EDA: variants seen among roughly 807,000 people sequenced by gnomAD.
EDA encodes ectodysplasin A.
EDA carries 2 observed loss-of-function variants against 23.6 expected under a neutral mutation model. The observed-to-expected ratio is 0.08, with a 90% CI of 0.03 to 0.27. The LOEUF is 0.27. EDA is among the 10% of genes least tolerant of loss of function. EDA has a pLI of 1.00. For missense variants in EDA, 229 were observed against 324.2 expected (o/e 0.71, Z 2.26); for synonymous variants, 131 against 132.0 (o/e 0.99, Z 0.05).
At chrX:69,632,775 C>T (rs1932650105) in intron 1 of EDA, among the ~76,000 whole-genome samples, 1 of 112,134 alleles carries the variant, frequency 8.9e-6, no homozygotes, top group Admixed American at 9.5e-5. Flanking sequence ...CTCCTGTCTC[C>T]ATAGAGGAAA....
At position 69,616,453 on chromosome X, in the gene EDA, C is replaced by T. The variant is rs765163779; in HGVS notation, c.145C>T (p.Leu49Phe). 1.7e-6 allele frequency: 2 copies of T among 1,212,076 alleles called. No individual in the cohort carries two copies. The highest frequency in any genetic ancestry group is 3.0e-5 in the East Asian group (1 of 33,794). ...CCTGCTCTTCCTGGGTTTCTTTGGC[C>T]TCTCGCTGGCCCTCCACCTGCTGAC... Reference protein sequence around the residue: ...SCLLFLGFFGLSLALHLLTLC... With the variant: ...SCLLFLGFFGFSLALHLLTLC... Residue 49 changes from leucine (L) to phenylalanine (F), a missense_variant, in exon 1 of 8, where the codon CTC becomes TTC. Around this residue, in one of 2 missense-constraint regions of EDA, gnomAD observed 54 missense variants for 42.4 expected, o/e 1.27. Transcript: ENST00000374552.
At chrX:69,754,662 A>C (rs193182929) in intron 1 of EDA, among the ~76,000 whole-genome samples, 1 of 111,854 alleles carries the variant, frequency 8.9e-6, no homozygotes, top group Non-Finnish European at 1.9e-5. Flanking sequence ...AGTGTTTTCC[A>C]AGTTGGTTCC....
chrX:69,789,071 A>G (rs1342214083), intron 1 of EDA, among the ~76,000 whole-genome samples: 1 of 111,079 alleles, frequency 9.0e-6, no homozygotes, highest in East Asian at 2.9e-4. Flanking sequence ...GCCATCTGTC[A>G]CCCCTTTCTT....
rs1293807934 is a variant in EDA at position 69,750,172 on chromosome X, CT to C, written c.396+133469del. On this transcript the variant is annotated intron_variant, in intron 1 of 7. Coordinates refer to ENST00000374552, the MANE Select transcript of EDA (RefSeq NM_001399.5). ...CCTAATGCTATCCCTCCCCCTCCCC[CT>C]CCCCCCACCCCATGACAGGCCCCGG... Among the ~76,000 whole-genome samples, 126 of 63,548 alleles carry C rather than the reference CT, an allele frequency of 2.0e-3. 1 individual carries two copies. Among genetic ancestry groups the C allele is most frequent in the South Asian group, 6.4e-3 (4 of 622 alleles). 55.2% of individuals were successfully genotyped at this position (63,548 alleles called of 115,157 possible).
chrX:69,810,721 A>C (rs993271910), intron 1 of EDA, among the ~76,000 whole-genome samples: 1 of 102,415 alleles, frequency 9.8e-6, no homozygotes, highest in Non-Finnish European at 2.0e-5. Flanking sequence ...ACGCCATTGC[A>C]CTCCAGCCTG....
intron 1 of EDA, among the ~76,000 whole-genome samples, chrX:69,825,941 T>C (rs2016417087): frequency 9.3e-6 from 1 of 107,609 alleles, no homozygotes; most frequent in African/African-American, 3.4e-5. Flanking sequence ...TATTTCTGCC[T>C]TCATTTCGTT....
intron 2 of EDA, among the ~76,000 whole-genome samples, chrX:69,981,839 G>A (rs957190159): frequency 8.9e-6 from 1 of 112,017 alleles, no homozygotes; most frequent in Non-Finnish European, 1.9e-5. Flanking sequence ...AGTGGCAAAT[G>A]CAGAGACTGA....
At chrX:69,987,382 C>T (rs1473870975) in intron 2 of EDA, among the ~76,000 whole-genome samples, 3 of 108,102 alleles carry the variant, frequency 2.8e-5, no homozygotes, top group Non-Finnish European at 5.8e-5. Flanking sequence ...AAACCCCATT[C>T]CTCCTATGTC....
chrX:69,790,614 G>A lies in EDA; in HGVS notation c.397-166413G>A, dbSNP rs539969998. Among the ~76,000 whole-genome samples the A allele has an allele frequency of 2.8e-4, 31 of 111,311 alleles. 1 individual carries two copies. The South Asian group carries it at 0.011, about 38-fold the overall frequency. On this transcript the variant is annotated intron_variant, in intron 1 of 7. Transcript: ENST00000374552. Reference sequence around the variant, plus strand: ...AACAAAACAAAGGATGAATCACCTGGTAATCAACTTTTGTTGGTGTTATTG... The same window carrying A: ...AACAAAACAAAGGATGAATCACCTGATAATCAACTTTTGTTGGTGTTATTG...
intron 1 of EDA, among the ~76,000 whole-genome samples, chrX:69,713,515 G>T (rs1309049436): frequency 2.7e-5 from 3 of 111,437 alleles, no homozygotes; most frequent in Non-Finnish European, 5.7e-5. Context: ...CTGCCTCCTT[G>T]TGTACCCTCC....
intron 1 of EDA, among the ~76,000 whole-genome samples, chrX:69,777,270 A>C (rs953152588): frequency 8.2e-5 from 9 of 110,182 alleles, no homozygotes; most frequent in Admixed American, 7.9e-4. Context: ...GGGGGTGGGT[A>C]GGTGAGTATT....
At chrX:69,915,863 G>A (rs1266931783) in intron 1 of EDA, among the ~76,000 whole-genome samples, 1 of 111,388 alleles carries the variant, frequency 9.0e-6, no homozygotes, top group Non-Finnish European at 1.9e-5. Flanking sequence ...GGGCGGGAGA[G>A]GGCAGAGAAA....
intron 1 of EDA, among the ~76,000 whole-genome samples, chrX:69,703,686 G>A (rs1051782397): frequency 9.0e-6 from 1 of 111,472 alleles, no homozygotes; most frequent in Admixed American, 9.5e-5. Flanking sequence ...CAGGCGGTAC[G>A]TGTCTTCTGG....
intron 2 of EDA, among the ~76,000 whole-genome samples, chrX:70,013,698 T>C (rs1387771318): frequency 1.8e-5 from 2 of 109,109 alleles, no homozygotes; most frequent in African/African-American, 6.7e-5. Context: ...AACATTCCCA[T>C]TGGCAGCAGC....
At chrX:70,014,691 G>A (rs2019922982) in intron 2 of EDA, among the ~76,000 whole-genome samples, 1 of 112,190 alleles carries the variant, frequency 8.9e-6, no homozygotes, top group Non-Finnish European at 1.9e-5. Context: ...GGAGCTGAAA[G>A]ATGAAATAGA....
chrX:69,969,973 G>A (rs951438575), intron 2 of EDA, among the ~76,000 whole-genome samples: 2 of 110,949 alleles, frequency 1.8e-5, no homozygotes, highest in Non-Finnish European at 3.8e-5. Flanking sequence ...AAGCTGGGTG[G>A]TACACATGTG....
At chrX:69,654,139 T>C (rs1222426955) in intron 1 of EDA, among the ~76,000 whole-genome samples, 28 of 111,605 alleles carry the variant, frequency 2.5e-4, no homozygotes, top group Non-Finnish European at 4.9e-4. Flanking sequence ...GGGCAAAGGA[T>C]ATGAACAGAC....
chrX:69,799,197 A>G (rs1205745194), intron 1 of EDA, among the ~76,000 whole-genome samples: 1 of 111,774 alleles, frequency 8.9e-6, no homozygotes, highest in Non-Finnish European at 1.9e-5. Context: ...AAAATGGATT[A>G]AAGACTTAAA....
chrX:69,724,327 C>T (rs2012708112), intron 1 of EDA, among the ~76,000 whole-genome samples: 1 of 111,738 alleles, frequency 8.9e-6, no homozygotes, highest in Non-Finnish European at 1.9e-5. Context: ...GACCCTTTTC[C>T]ACGCTTTCCT....
Sources: allele counts gnomAD v4.1 joint callset (sites outside exome capture counted in the v4.1 genomes callset), GRCh38; gene constraint gnomAD v4.1.1; regional missense constraint gnomAD v4.1.1; transcripts MANE v1.5; gene names NCBI Gene and HGNC (gene_info 2026-07-23, HGNC 2026-07-21).